The following TTYH3 variants were observed in gnomAD, a reference collection of about 807,000 sequenced individuals.
TTYH3 encodes the protein tweety family member 3, also known as protein tweety homolog 3.
A neutral mutation model predicts 68.2 loss-of-function variants in TTYH3; 23 were observed. That is an observed-to-expected ratio of 0.34 (90% confidence interval 0.24 to 0.48). TTYH3 has a LOEUF of 0.48. Among genes scored for constraint, TTYH3 ranks in the 20% least tolerant of loss-of-function variants. The pLI is 0.99. For synonymous variants in TTYH3, 360 were observed against 332.8 expected, an observed-to-expected ratio of 1.08 and a Z score of -0.89; for missense variants, 768 against 727.7, an observed-to-expected ratio of 1.06 and a Z score of -0.64.
intron 11 of TTYH3, among the ~76,000 whole-genome samples, chr7:2,657,332 A>ATGATGG (rs1315026186): frequency 6.7e-6 from 1 of 150,138 alleles, no homozygotes; most frequent in African/African-American, 2.5e-5. Context: ...GATGGTGGTA[A>ATGATGG]TGATGGTGAT....
intron 8 of TTYH3, among the ~76,000 whole-genome samples, chr7:2,652,633 A>G (rs1340993132): frequency 6.6e-6 from 1 of 152,116 alleles, no homozygotes; most frequent in African/African-American, 2.4e-5. Context: ...ACTGCCTGTC[A>G]TTGTACCGGT....
chr7:2,658,841 C>A lies in TTYH3; in HGVS notation c.1425-99C>A, dbSNP rs1008228037. 16 of 1,151,524 alleles carry A rather than the reference C, an allele frequency of 1.4e-5. No homozygotes were observed. In the African/African-American group the frequency reaches 1.7e-4, roughly 12 times the overall value. 71.3% of individuals were successfully genotyped at this position (1,151,524 alleles called of 1,614,324 possible). On this transcript the variant is annotated intron_variant, in intron 12 of 13. Coordinates refer to ENST00000258796, the MANE Select transcript of TTYH3 (RefSeq NM_025250.3). ...GGGACCCCCAGTGAGAATGGATGTGCCCATCTGGGCACAGCGGGCCTACCC... is the reference window on the plus strand; with the variant it reads ...GGGACCCCCAGTGAGAATGGATGTGACCATCTGGGCACAGCGGGCCTACCC...
chr7:2,641,959 T>C (rs1785858628), intron 1 of TTYH3, among the ~76,000 whole-genome samples: 1 of 152,190 alleles, frequency 6.6e-6, no homozygotes, highest in Admixed American at 6.5e-5. Flanking sequence ...TGGGCTCCCT[T>C]TGAGGGAGGC....
At chr7:2,658,902 C>T (rs1388111022) in intron 12 of TTYH3, 38 bp from the exon 13 acceptor site, 7 of 1,603,782 alleles carry the variant, frequency 4.4e-6, no homozygotes, top group Non-Finnish European at 6.0e-6. Context: ...ACTGCATGGC[C>T]AGCAGGCACT....
intron 9 of TTYH3, among the ~76,000 whole-genome samples, chr7:2,653,964 C>A (rs887453): frequency 6.6e-6 from 1 of 152,338 alleles, no homozygotes; most frequent in Admixed American, 6.5e-5. Flanking sequence ...TCCCTGCCCC[C>A]ACACACACCG....
At chr7:2,646,779 C>A (rs1243755158) in intron 1 of TTYH3, 74 bp from the exon 2 acceptor site, 3 of 1,463,898 alleles carry the variant, frequency 2.0e-6, no homozygotes, top group East Asian at 4.9e-5. Context: ...TGCGCCAGGT[C>A]CCCTGCTGGG....
rs549278519 is a variant in TTYH3 at position 2,662,550 on chromosome 7, A to G, written c.*811A>G. ...GTTCTTTGCACTAACCACATTTGTC[A>G]TCTCTAGGGCAGGCTGGGGCTGCGG... On this transcript the variant is annotated 3_prime_UTR_variant, in exon 14 of 14. Coordinates refer to ENST00000258796, the MANE Select transcript of TTYH3 (RefSeq NM_025250.3). The G allele has an allele frequency of 1.3e-5, 2 of 152,700 alleles. No individual in the cohort carries two copies. Among genetic ancestry groups the G allele is most frequent in the Non-Finnish European group, 2.9e-5 (2 of 68,230 alleles). The allele number at this position is 152,700 out of a possible 1,614,324, so 9.5% of individuals were successfully genotyped here.
chr7:2,638,887 GGGACCCACTTCCCAGTGGC>G (rs1785752860), intron 1 of TTYH3, among the ~76,000 whole-genome samples: 1 of 152,178 alleles, frequency 6.6e-6, no homozygotes, highest in South Asian at 2.1e-4. Flanking sequence ...CAAAGGTAGG[GGGACCCACTTCCCAGTGGC>G]GGGCCCCTGA....
intron 13 of TTYH3, chr7:2,660,223 C>T (rs74804791): frequency 1.6e-5 from 16 of 985,340 alleles, no homozygotes; most frequent in African/African-American, 7.0e-5. Context: ...GCTCTGGGCC[C>T]GCCAGCCTCA....
intron 1 of TTYH3, among the ~76,000 whole-genome samples, chr7:2,639,736 C>T (rs553925767): frequency 6.6e-6 from 1 of 152,332 alleles, no homozygotes; most frequent in African/African-American, 2.4e-5. Context: ...CATGCCGGCA[C>T]CTCTGGTGGG....
intron 1 of TTYH3, among the ~76,000 whole-genome samples, chr7:2,637,174 G>T (rs762232244): frequency 4.9e-5 from 7 of 143,866 alleles, no homozygotes; most frequent in Non-Finnish European, 1.1e-4. Flanking sequence ...CATCTCCATG[G>T]TGACCCTTCT....
At chr7:2,634,271 T>G (rs1362636429) in intron 1 of TTYH3, among the ~76,000 whole-genome samples, 1 of 152,148 alleles carries the variant, frequency 6.6e-6, no homozygotes, top group East Asian at 1.9e-4. Context: ...GCTTGGTGTC[T>G]CTGAGCCTTC....
chr7:2,643,629 TG>T (rs1324340353), intron 1 of TTYH3, among the ~76,000 whole-genome samples: 1 of 152,226 alleles, frequency 6.6e-6, no homozygotes, highest in Non-Finnish European at 1.5e-5. Context: ...GGGACGGGCT[TG>T]CCTCGCCCAG....
intron 9 of TTYH3, among the ~76,000 whole-genome samples, chr7:2,653,352 C>T (rs898381538): frequency 6.6e-6 from 1 of 152,092 alleles, no homozygotes; most frequent in Non-Finnish European, 1.5e-5. Context: ...CCACACCCAA[C>T]GTTTAAAAAA....
rs555389051 is a variant in TTYH3 at position 2,649,753 on chromosome 7, G to A, written c.795+114G>A. The A allele has an allele frequency of 1.1e-5, 16 of 1,463,366 alleles. No individual in the cohort carries two copies. The South Asian group carries it at 1.4e-4, about 13-fold the overall frequency. 90.6% of individuals were successfully genotyped at this position (1,463,366 alleles called of 1,614,324 possible). A position where few individuals can be genotyped will look rare whatever the true frequency, so the allele number is the denominator to read the frequency against. ...TCTTCCCGGGCACTGGGTCCCGAGA[G>A]CGGTGGGGACCCACCATGGGCACAG... On this transcript the variant is annotated intron_variant, in intron 6 of 13. Coordinates refer to ENST00000258796, the MANE Select transcript of TTYH3 (RefSeq NM_025250.3).
intron 13 of TTYH3, among the ~76,000 whole-genome samples, chr7:2,660,806 C>T (rs1786474756): frequency 6.6e-6 from 1 of 152,074 alleles, no homozygotes; most frequent in Admixed American, 6.5e-5. Flanking sequence ...CCTGCCAGGT[C>T]TCCTCACTGC....
intron 1 of TTYH3, 120 bp from the exon 2 acceptor site, chr7:2,646,733 A>C (rs973773457): frequency 3.5e-6 from 4 of 1,140,738 alleles, no homozygotes; most frequent in African/African-American, 1.6e-5. Flanking sequence ...GATGGGGCCC[A>C]CCTCCCAGGG....
chr7:2,662,102 T>TC lies in TTYH3; in HGVS notation c.*366dup. 2.3e-6 allele frequency: 1 copy of TC among 438,448 alleles called. No individual in the cohort carries two copies. The highest frequency in any genetic ancestry group is 4.2e-6 in the Non-Finnish European group (1 of 237,650). The allele number at this position is 438,448 out of a possible 1,614,324, so 27.2% of individuals were successfully genotyped here. On this transcript the variant is annotated 3_prime_UTR_variant, in exon 14 of 14. Coordinates refer to ENST00000258796, the MANE Select transcript of TTYH3 (RefSeq NM_025250.3). ...CCCTTCCCTCCACAGCTCTCCTTCCTCCCGCCCGGCACTTCTGTGGACCCC... is the reference window on the plus strand; with the variant it reads ...CCCTTCCCTCCACAGCTCTCCTTCCTCCCCGCCCGGCACTTCTGTGGACCCC...
chr7:2,638,809 T>TG (rs1785750485), intron 1 of TTYH3, among the ~76,000 whole-genome samples: 1 of 152,136 alleles, frequency 6.6e-6, no homozygotes, highest in Non-Finnish European at 1.5e-5. Flanking sequence ...CTTGGCCGCA[T>TG]GGGGGGCTGA....
Sources: gnomAD v4.1 joint callset for allele counts (sites outside exome capture counted in the v4.1 genomes callset) on GRCh38, gnomAD v4.1.1 for gene constraint, MANE v1.5 for transcripts, NCBI Gene and HGNC (gene_info 2026-07-23, HGNC 2026-07-21) for gene names.